Variants in TRAPPC2 observed in about 807,000 individuals in gnomAD.
TRAPPC2 encodes sedlin.
Under a neutral mutation model 10.0 loss-of-function variants are expected in TRAPPC2, and 4 were observed. The ratio of observed to expected loss-of-function variants is 0.40; its 90% CI spans 0.20 to 0.92. The LOEUF (loss-of-function observed/expected upper bound fraction) is 0.92. Ranked by LOEUF, TRAPPC2 falls within the 40% of genes least tolerant of loss-of-function variation. The pLI is 0.35. For synonymous variants in TRAPPC2, 36 were observed against 37.3 expected (o/e 0.97, Z 0.12); for missense variants, 52 against 108.7 (o/e 0.48, Z 2.32).
At chrX:13,719,046 A>G (rs1221544670) in intron 3 of TRAPPC2, among the ~76,000 whole-genome samples, 1 of 110,813 alleles carries the variant, frequency 9.0e-6, no homozygotes, top group Non-Finnish European at 1.9e-5. Context: ...AATCCCAGCT[A>G]CCTGGGAGGC....
intron 2 of TRAPPC2, among the ~76,000 whole-genome samples, chrX:13,723,725 T>G (rs2046479037): frequency 9.1e-6 from 1 of 110,476 alleles, no homozygotes; most frequent in Admixed American, 9.8e-5. Flanking sequence ...GGGAATAGAT[T>G]AAACTGGGAA....
chrX:13,716,863 G>T (rs1364927222), intron 3 of TRAPPC2, 185 bp from the exon 4 acceptor site: 1 of 436,651 alleles, frequency 2.3e-6, no homozygotes, highest in East Asian at 3.9e-5. Context: ...TTTTAAATTT[G>T]ATATCTACAT....
At chrX:13,717,777 T>C (rs1046577740) in intron 3 of TRAPPC2, among the ~76,000 whole-genome samples, 1 of 111,656 alleles carries the variant, frequency 9.0e-6, no homozygotes, top group Non-Finnish European at 1.9e-5. Context: ...ATACCTGTTA[T>C]GGGTTGAAGT....
At chrX:13,722,921 A>G (rs1331495475) in intron 2 of TRAPPC2, among the ~76,000 whole-genome samples, 3 of 109,633 alleles carry the variant, frequency 2.7e-5, no homozygotes, top group East Asian at 2.9e-4. Context: ...AAATTAGCCG[A>G]GTGTGGTGGT....
rs1259954019 is a variant in TRAPPC2 at position 13,713,451 on chromosome X, A to AAAAAAAAC, written c.*955_*956insGTTTTTTT. On this transcript the variant is annotated 3_prime_UTR_variant, in exon 6 of 6. Transcript: ENST00000380579. ...CACAACAGGAGCAAGACTCCATCTC[A>AAAAAAAAC]AAAAAACAAAAAACAAAAAACAAAA... 18 of 19,978 alleles carry AAAAAAAAC rather than the reference A, an allele frequency of 9.0e-4. No individual in the cohort carries two copies. The highest frequency in any genetic ancestry group is 2.9e-3 in the East Asian group (1 of 349). 1.6% of individuals were successfully genotyped at this position (19,978 alleles called of 1,213,427 possible).
rs1057515794 is a variant in TRAPPC2 at position 13,714,143 on chromosome X, G to GAAA, written c.*261_*263dup. On this transcript the variant is annotated 3_prime_UTR_variant, in exon 6 of 6. Coordinates refer to ENST00000380579, the MANE Select transcript of TRAPPC2 (RefSeq NM_001011658.4). ...GGCAACAGAGTGAGACTCTGTATCA[G>GAAA]AAAAAAAAAAAAAAAAAAAACATGA... 654 of 62,362 alleles carry GAAA rather than the reference G, an allele frequency of 0.01. 13 individuals are homozygous for GAAA. Among genetic ancestry groups the GAAA allele is most frequent in the African/African-American group, 0.033 (500 of 15,109 alleles). 5.1% of individuals were successfully genotyped at this position (62,362 alleles called of 1,213,427 possible).
intron 3 of TRAPPC2, among the ~76,000 whole-genome samples, chrX:13,718,466 A>G (rs897331384): frequency 9.5e-5 from 9 of 94,852 alleles, no homozygotes; most frequent in Admixed American, 4.2e-4. Flanking sequence ...ACTAAAATCA[A>G]GTTATGCAAC....
At chrX:13,715,827 T>C in intron 5 of TRAPPC2, 177 bp downstream of exon 5, 7 of 974,398 alleles carry the variant, frequency 7.2e-6, no homozygotes, top group Non-Finnish European at 9.2e-6. Flanking sequence ...CCTAAATACA[T>C]ATTCACCTGG....
chrX:13,732,060 G>A (rs751704118), intron 2 of TRAPPC2, among the ~76,000 whole-genome samples: 1 of 112,124 alleles, frequency 8.9e-6, no homozygotes, highest in South Asian at 3.7e-4. Context: ...CAAAAGTTCT[G>A]CAAGCTCAGT....
At position 13,734,174 on chromosome X, in the gene TRAPPC2, GAGA is replaced by G. The variant is rs1569093865; in HGVS notation, c.-153_-151del. On this transcript the variant is annotated 5_prime_UTR_variant, in exon 2 of 6. Coordinates refer to ENST00000380579, the MANE Select transcript of TRAPPC2 (RefSeq NM_001011658.4). The stretch of plus-strand genomic sequence containing the variant: ...ACATCTTTGGTTGTCACACTTGGGG[GAGA>G]AGGTGATACTGACAAAATAGAGAGC... 2.0e-6 allele frequency: 1 copy of G among 500,812 alleles called. No individual in the cohort carries two copies. The highest frequency in any genetic ancestry group is 3.6e-6 in the Non-Finnish European group (1 of 278,848). The allele number at this position is 500,812 out of a possible 1,213,427, so 41.3% of individuals were successfully genotyped here. A position where few individuals can be genotyped will look rare whatever the true frequency, so the allele number is the denominator to read the frequency against.
At chrX:13,728,114 T>C (rs1165066739) in intron 2 of TRAPPC2, among the ~76,000 whole-genome samples, 1 of 111,513 alleles carries the variant, frequency 9.0e-6, no homozygotes, top group Non-Finnish European at 1.9e-5. Flanking sequence ...ATTAATAGCT[T>C]ACCAACCAAA....
chrX:13,732,132 C>T (rs1026494223), intron 2 of TRAPPC2, among the ~76,000 whole-genome samples: 129 of 111,971 alleles, frequency 1.2e-3, no homozygotes, highest in African/African-American at 4.1e-3. Flanking sequence ...GCATTAAGAG[C>T]AAGGTCAGGG....
chrX:13,720,688 A>C (rs1439356487), intron 2 of TRAPPC2: 1 of 112,184 alleles, frequency 8.9e-6, no homozygotes, highest in Non-Finnish European at 1.9e-5. Context: ...GAAATAATCC[A>C]TAAAGGAAGA....
At chrX:13,718,169 T>C in intron 3 of TRAPPC2, among the ~76,000 whole-genome samples, 1 of 113,047 alleles carries the variant, frequency 8.8e-6, no homozygotes, top group Non-Finnish European at 1.9e-5. Flanking sequence ...CAGTTTTTCG[T>C]ACTTTGTTAC....
At chrX:13,728,742 T>C (rs1409264686) in intron 2 of TRAPPC2, among the ~76,000 whole-genome samples, 1 of 111,977 alleles carries the variant, frequency 8.9e-6, no homozygotes, top group Non-Finnish European at 1.9e-5. Context: ...TGTTGGAAGT[T>C]CTGGCCAGGG....
chrX:13,716,257 G>T, intron 4 of TRAPPC2, 168 bp from the exon 5 acceptor site: 2 of 634,156 alleles, frequency 3.2e-6, no homozygotes, highest in Non-Finnish European at 4.7e-6. Flanking sequence ...GAGAACATAA[G>T]CTTTCAAAGT....
intron 2 of TRAPPC2, among the ~76,000 whole-genome samples, chrX:13,728,734 T>A (rs894108814): frequency 8.9e-6 from 1 of 111,880 alleles, no homozygotes; most frequent in Non-Finnish European, 1.9e-5. Context: ...CAACATAGTG[T>A]TGGAAGTTCT....
chrX:13,728,940 A>T (rs1297152912), intron 2 of TRAPPC2, among the ~76,000 whole-genome samples: 1 of 112,056 alleles, frequency 8.9e-6, no homozygotes, highest in African/African-American at 3.2e-5. Flanking sequence ...AATCACAAGC[A>T]TTCCTATACA....
chrX:13,726,283 G>C, intron 2 of TRAPPC2, among the ~76,000 whole-genome samples: 1 of 111,365 alleles, frequency 9.0e-6, no homozygotes. Context: ...TCCTCGAGAA[G>C]AGGAACCCCA....
Sources: gnomAD v4.1 joint callset for allele counts (sites outside exome capture counted in the v4.1 genomes callset) on GRCh38, gnomAD v4.1.1 for gene constraint, MANE v1.5 for transcripts, NCBI Gene and HGNC (gene_info 2026-07-23, HGNC 2026-07-21) for gene names.